Variants in AFF2 observed in about 807,000 individuals in gnomAD.
AFF2 encodes AF4/FMR2 family member 2.
Under a neutral mutation model 76.9 loss-of-function variants are expected in AFF2, and 14 were observed. That is an observed-to-expected ratio of 0.18 (90% CI 0.12 to 0.28). AFF2 has a LOEUF of 0.28. Among genes scored for constraint, AFF2 ranks in the 10% least tolerant of loss-of-function variants. The probability of loss-of-function intolerance (pLI) is 1.00; values close to 1 mark genes in which losing one functional copy is unlikely to be tolerated. For synonymous variants in AFF2, 398 were observed against 366.7 expected, an observed-to-expected ratio of 1.09 and a Z score of -0.98; for missense variants, 868 against 1,001.1, an observed-to-expected ratio of 0.87 and a Z score of 1.79.
rs781784925 is a variant in AFF2 at position 148,778,064 on chromosome X, A to G, written c.1042-31812A>G. ...TTATTGAGTGTTTTTAGCATGAAGC[A>G]GTGTTGAATTTTATCAAAGGCCTTT... is the stretch of plus-strand genomic sequence containing the variant. On this transcript the variant is annotated intron_variant, in intron 3 of 20. Transcript: ENST00000370460. Among the ~76,000 whole-genome samples, 35 of 111,982 alleles carry G rather than the reference A, an allele frequency of 3.1e-4. No homozygotes were observed. In the East Asian group the frequency reaches 9.6e-3, roughly 31 times the overall value.
At chrX:148,881,208 C>T (rs782567309) in intron 7 of AFF2, among the ~76,000 whole-genome samples, 1 of 111,993 alleles carries the variant, frequency 8.9e-6, no homozygotes, top group South Asian at 3.8e-4. Flanking sequence ...CTGAGAACAA[C>T]TCAGTGTCCC....
chrX:148,501,326 G>A (rs2052347089), intron 1 of AFF2, among the ~76,000 whole-genome samples, 182 bp downstream of exon 1: 1 of 112,607 alleles, frequency 8.9e-6, no homozygotes, highest in African/African-American at 3.2e-5. Flanking sequence ...GGGGTGGGGG[G>A]AGGTGCGGGA....
chrX:148,949,998 T>A (rs1557286454), intron 9 of AFF2, among the ~76,000 whole-genome samples: 1 of 112,374 alleles, frequency 8.9e-6, no homozygotes, highest in African/African-American at 3.2e-5. Context: ...TAGTAACGTA[T>A]GAAAATAAAT....
chrX:148,693,152 C>T (rs1191943964), intron 3 of AFF2, among the ~76,000 whole-genome samples: 1 of 110,947 alleles, frequency 9.0e-6, no homozygotes, highest in Non-Finnish European at 1.9e-5. Context: ...CTCCTGACCT[C>T]GTGATCCACC....
chrX:148,933,407 T>C (rs2071736566), intron 9 of AFF2, among the ~76,000 whole-genome samples: 1 of 111,469 alleles, frequency 9.0e-6, no homozygotes, highest in South Asian at 3.8e-4. Context: ...AAGAGAGATA[T>C]GATCTGAATT....
At chrX:148,844,475 T>C (rs1468723306) in intron 7 of AFF2, among the ~76,000 whole-genome samples, 1 of 112,305 alleles carries the variant, frequency 8.9e-6, no homozygotes. Context: ...TTTTCTAATA[T>C]CCATTTGTCC....
chrX:148,648,859 T>C (rs2054173572), intron 1 of AFF2, among the ~76,000 whole-genome samples: 2 of 111,612 alleles, frequency 1.8e-5, no homozygotes, highest in African/African-American at 6.5e-5. Context: ...AGAAAAAAGT[T>C]GGAAAAATAT....
chrX:148,660,752 A>G lies in AFF2; in HGVS notation c.181-1156A>G, dbSNP rs781793935. Among the ~76,000 whole-genome samples the G allele has an allele frequency of 4.3e-4, 48 of 112,202 alleles. No homozygotes were observed. In the South Asian group the frequency reaches 0.017, roughly 40 times the overall value. On this transcript the variant is annotated intron_variant, in intron 2 of 20. Coordinates refer to ENST00000370460, the MANE Select transcript of AFF2 (RefSeq NM_002025.4). Reference sequence around the variant, plus strand: ...ACTGGTAGCCTTCTATCATTGCAACATCTTGGGCCAGGATAGTGCAGCCTA... The same window carrying G: ...ACTGGTAGCCTTCTATCATTGCAACGTCTTGGGCCAGGATAGTGCAGCCTA...
At chrX:148,710,087 T>C (rs181060693) in intron 3 of AFF2, among the ~76,000 whole-genome samples, 2 of 111,910 alleles carry the variant, frequency 1.8e-5, no homozygotes, top group East Asian at 2.8e-4. Flanking sequence ...GATTCGGAAA[T>C]GGAGACCCTG....
intron 9 of AFF2, among the ~76,000 whole-genome samples, chrX:148,920,996 C>T (rs899545859): frequency 8.1e-5 from 9 of 111,097 alleles, no homozygotes; most frequent in African/African-American, 2.9e-4. Flanking sequence ...TGCAGCAAAC[C>T]CTGGAAGGTT....
intron 1 of AFF2, among the ~76,000 whole-genome samples, chrX:148,623,170 T>G (rs2053887261): frequency 8.9e-6 from 1 of 111,819 alleles, no homozygotes; most frequent in South Asian, 3.7e-4. Context: ...GGCAAACCAT[T>G]GCTCTTTGCT....
Position 148,595,546 on chromosome X carries a change from A to G in AFF2, c.48-56453A>G, listed in dbSNP as rs782632350. Among the ~76,000 whole-genome samples the G allele has an allele frequency of 2.0e-4, 22 of 112,335 alleles. No individual in the cohort carries two copies. The Admixed American group carries it at 2.1e-3, about 11-fold the overall frequency. On this transcript the variant is annotated intron_variant, in intron 1 of 20. Coordinates refer to ENST00000370460, the MANE Select transcript of AFF2 (RefSeq NM_002025.4). The stretch of plus-strand genomic sequence containing the variant: ...ATGTATTGACAGGATTTATGCAGCT[A>G]GTAGAGAGTTTAAGGTTGGATTAGT...
At chrX:148,895,097 G>T (rs782751400) in intron 8 of AFF2, among the ~76,000 whole-genome samples, 1 of 110,831 alleles carries the variant, frequency 9.0e-6, no homozygotes, top group Non-Finnish European at 1.9e-5. Context: ...ACAAAGTTCA[G>T]CTGGAGGTTT....
At chrX:148,791,334 A>C (rs1236772264) in intron 3 of AFF2, among the ~76,000 whole-genome samples, 1 of 111,908 alleles carries the variant, frequency 8.9e-6, no homozygotes, top group East Asian at 2.8e-4. Flanking sequence ...GAGCATGTAC[A>C]GGGGAACTCC....
At position 148,552,090 on chromosome X, in the gene AFF2, T is replaced by A. The variant is rs182413010; in HGVS notation, c.47+50946T>A. 1.4e-4 allele frequency among the ~76,000 whole-genome samples: 16 copies of A among 112,866 alleles called. No homozygotes were observed. In the East Asian group the frequency reaches 4.5e-3, roughly 32 times the overall value. ...CTCCTGGGAGAGGAAAACTAGAAGC[T>A]TGTACTCGGTCTCTCATGGACCCCA... On this transcript the variant is annotated intron_variant, in intron 1 of 20. Coordinates refer to ENST00000370460, the MANE Select transcript of AFF2 (RefSeq NM_002025.4).
At chrX:148,979,091 C>T (rs1326762626) in intron 18 of AFF2, among the ~76,000 whole-genome samples, 1 of 111,873 alleles carries the variant, frequency 8.9e-6, no homozygotes, top group Non-Finnish European at 1.9e-5. Flanking sequence ...CATACTAGGC[C>T]TGATCACTGT....
At chrX:148,518,950 G>A (rs977188045) in intron 1 of AFF2, among the ~76,000 whole-genome samples, 5 of 111,816 alleles carry the variant, frequency 4.5e-5, no homozygotes, top group South Asian at 7.5e-4. Flanking sequence ...AACAAACCAT[G>A]AAAACAGCAT....
At chrX:148,804,223 C>T (rs1347049544) in intron 3 of AFF2, among the ~76,000 whole-genome samples, 1 of 111,617 alleles carries the variant, frequency 9.0e-6, no homozygotes, top group Non-Finnish European at 1.9e-5. Context: ...CTTTTTCTTA[C>T]ATAGGTAGGG....
At chrX:148,806,249 C>G (rs1360709803) in intron 3 of AFF2, among the ~76,000 whole-genome samples, 2 of 112,204 alleles carry the variant, frequency 1.8e-5, no homozygotes, top group Admixed American at 9.4e-5. Context: ...CATTTGGGGC[C>G]GAGCCCCAGC....
Sources: gnomAD v4.1 joint callset for allele counts (sites outside exome capture counted in the v4.1 genomes callset) on GRCh38, gnomAD v4.1.1 for gene constraint, MANE v1.5 for transcripts, NCBI Gene and HGNC (gene_info 2026-07-23, HGNC 2026-07-21) for gene names.